Variants in ROBO1 observed in about 807,000 individuals in gnomAD.
ROBO1 encodes the protein roundabout homolog 1.
ROBO1 carries 149 observed loss-of-function variants against 195.9 expected under a neutral mutation model. The observed-to-expected ratio is 0.76, with a 90% confidence interval of 0.67 to 0.87. The LOEUF (loss-of-function observed/expected upper bound fraction) is 0.87, where lower values mean the gene tolerates loss of function less well. Among genes scored for constraint, ROBO1 ranks in the 40% least tolerant of loss-of-function variants. The probability of loss-of-function intolerance (pLI) is 0.00; values close to 1 mark genes in which losing one functional copy is unlikely to be tolerated. For missense variants in ROBO1, 1,933 were observed against 2,068.3 expected, an observed-to-expected ratio of 0.93 and a Z score of 1.27; for synonymous variants, 816 against 733.2, an observed-to-expected ratio of 1.11 and a Z score of -1.82.
chr3:79,753,834 T>C (rs1237543091), intron 1 of ROBO1, among the ~76,000 whole-genome samples: 3 of 152,204 alleles, frequency 2.0e-5, no homozygotes, highest in Non-Finnish European at 4.4e-5. Context: ...ACTTACTTGA[T>C]AAATTTAAAA....
chr3:79,028,776 TA>T (rs2078245269), intron 3 of ROBO1, among the ~76,000 whole-genome samples: 1 of 152,034 alleles, frequency 6.6e-6, no homozygotes, highest in African/African-American at 2.4e-5. Flanking sequence ...CCTTTGTATT[TA>T]ATTGAATTAT....
intron 2 of ROBO1, among the ~76,000 whole-genome samples, chr3:79,193,035 TAC>T (rs1434869513): frequency 6.6e-6 from 1 of 151,688 alleles, no homozygotes; most frequent in Non-Finnish European, 1.5e-5. Context: ...TAAGAATGAT[TAC>T]AGTGTTCTGG....
Position 78,651,949 on chromosome 3 carries a change from T to A in ROBO1, c.2615-20A>T, listed in dbSNP as rs755289086. 5 of 1,602,846 alleles carry A rather than the reference T, an allele frequency of 3.1e-6. No homozygotes were observed. Among genetic ancestry groups the A allele is most frequent in the African/African-American group, 1.3e-5 (1 of 74,582 alleles). On this transcript the variant is annotated intron_variant, in intron 18 of 30. Transcript: ENST00000464233. ...GGGCATCTGAAAAGTCATCTTCCGA[T>A]TAATTTGGGTTGAAGACTCAATGCA... is the stretch of plus-strand genomic sequence containing the variant.
At chr3:78,994,779 A>T (rs1013921831) in intron 3 of ROBO1, among the ~76,000 whole-genome samples, 1 of 152,202 alleles carries the variant, frequency 6.6e-6, no homozygotes, top group Admixed American at 6.5e-5. Flanking sequence ...CCTTAACCTG[A>T]CTTGTAACAA....
intron 2 of ROBO1, among the ~76,000 whole-genome samples, chr3:79,298,989 T>C (rs1422904448): frequency 6.6e-6 from 1 of 152,130 alleles, no homozygotes; most frequent in Non-Finnish European, 1.5e-5. Flanking sequence ...ACAGTTCCTT[T>C]GAGATCATTG....
intron 3 of ROBO1, among the ~76,000 whole-genome samples, chr3:79,041,110 A>C (rs191525851): frequency 6.0e-4 from 91 of 152,210 alleles, no homozygotes; most frequent in African/African-American, 2.1e-3. Flanking sequence ...CACCAAATTA[A>C]ATGCCATTGC....
At position 79,231,441 on chromosome 3, in the gene ROBO1, A is replaced by G. The variant is rs79435742; in HGVS notation, c.89-105902T>C. ...ACTTCTCAAAAGAAGACATACATGC[A>G]GCCAACAATCATGAATAAAAGCTCA... On this transcript the variant is annotated intron_variant, in intron 2 of 30. Transcript: ENST00000464233. Among the ~76,000 whole-genome samples the G allele has an allele frequency of 1.4e-4, 22 of 152,220 alleles. No individual in the cohort carries two copies. In the East Asian group the frequency reaches 4.1e-3, roughly 28 times the overall value.
chr3:79,630,407 T>C (rs897045664), intron 1 of ROBO1, among the ~76,000 whole-genome samples: 1 of 152,058 alleles, frequency 6.6e-6, no homozygotes, highest in Non-Finnish European at 1.5e-5. Context: ...ATCATCTCGA[T>C]TGATGCAGAA....
At chr3:79,481,421 T>TAG (rs1938853072) in intron 2 of ROBO1, among the ~76,000 whole-genome samples, 1 of 152,132 alleles carries the variant, frequency 6.6e-6, no homozygotes, top group Non-Finnish European at 1.5e-5. Context: ...ACTTCATCTG[T>TAG]AGAGATGATT....
At chr3:79,384,161 T>G (rs954709687) in intron 2 of ROBO1, among the ~76,000 whole-genome samples, 11 of 152,022 alleles carry the variant, frequency 7.2e-5, no homozygotes, top group Non-Finnish European at 1.0e-4. Context: ...ATTCCAGAAT[T>G]AAAGAAAATA....
At chr3:78,883,835 A>G (rs1366196210) in intron 4 of ROBO1, among the ~76,000 whole-genome samples, 1 of 152,148 alleles carries the variant, frequency 6.6e-6, no homozygotes, top group Non-Finnish European at 1.5e-5. Flanking sequence ...TAGAGTTTAG[A>G]TCTAGAAGAG....
At position 78,606,792 on chromosome 3, in the gene ROBO1, C is replaced by T; in HGVS notation, c.4685G>A (p.Gly1562Glu). The change falls in exon 29 of 31, where the codon GGA (glycine) becomes GAA (glutamate). Residue 1562 changes from glycine (G) to glutamate (E), a missense_variant. Gly to Glu is a moderately conservative substitution (Grantham distance 98). Coordinates refer to ENST00000464233, the MANE Select transcript of ROBO1 (RefSeq NM_002941.4). The part of the protein sequence containing the change: ...EAQEQQNDGK[G>E]RGNKAAKRDL... ...TCGTTTTGCTGCCTTGTTTCCACGT[C>T]CTTTCCCGTCATTTTGCTGTTCCTG... The T allele has an allele frequency of 6.2e-7, 1 of 1,613,872 alleles. No homozygotes were observed. Among genetic ancestry groups the T allele is most frequent in the Non-Finnish European group, 8.5e-7 (1 of 1,179,880 alleles).
intron 5 of ROBO1, among the ~76,000 whole-genome samples, chr3:78,726,736 C>T (rs577846189): frequency 1.3e-5 from 2 of 152,248 alleles, no homozygotes; most frequent in East Asian, 3.9e-4. Context: ...GCAGGTAACC[C>T]AGATGGCCAG....
chr3:79,008,190 T>C (rs2077671242), intron 3 of ROBO1, among the ~76,000 whole-genome samples: 1 of 152,152 alleles, frequency 6.6e-6, no homozygotes, highest in East Asian at 1.9e-4. Flanking sequence ...CAGAAACATC[T>C]TTCATTCATA....
chr3:78,831,766 G>A (rs1446464981), intron 4 of ROBO1, among the ~76,000 whole-genome samples: 1 of 152,228 alleles, frequency 6.6e-6, no homozygotes, highest in Admixed American at 6.5e-5. Context: ...CACAATCATG[G>A]TGGAAAGCAA....
At chr3:78,883,204 G>T (rs2036289156) in intron 4 of ROBO1, among the ~76,000 whole-genome samples, 1 of 151,406 alleles carries the variant, frequency 6.6e-6, no homozygotes, top group Admixed American at 6.6e-5. Context: ...GTTTTATTGG[G>T]CATTGGTGCT....
intron 1 of ROBO1, among the ~76,000 whole-genome samples, chr3:79,725,871 C>G (rs887443526): frequency 6.6e-6 from 1 of 150,848 alleles, no homozygotes; most frequent in African/African-American, 2.4e-5. Context: ...CCACGTTAGT[C>G]ATTAAATATA....
intron 1 of ROBO1, among the ~76,000 whole-genome samples, chr3:79,645,428 G>A (rs1295381460): frequency 1.3e-5 from 2 of 152,036 alleles, no homozygotes; most frequent in Admixed American, 1.3e-4. Flanking sequence ...TTTGAGCCCA[G>A]GAGTTCGAGG....
intron 2 of ROBO1, among the ~76,000 whole-genome samples, chr3:79,287,057 C>T (rs11920680): frequency 0.028 from 4,244 of 152,114 alleles, 177 homozygotes; most frequent in African/African-American, 0.095. Flanking sequence ...AGTTTTCCAG[C>T]GCACAATGAG....
Sources: allele counts gnomAD v4.1 joint callset (sites outside exome capture counted in the v4.1 genomes callset), GRCh38; gene constraint gnomAD v4.1.1; transcripts MANE v1.5; gene names NCBI Gene and HGNC (gene_info 2026-07-23, HGNC 2026-07-21).